The following PCLO variants were observed in gnomAD, a reference collection of about 807,000 sequenced individuals.
PCLO encodes protein piccolo.
PCLO carries 82 observed loss-of-function variants against 427.5 expected under a neutral mutation model. The ratio of observed to expected loss-of-function variants is 0.19; its 90% CI spans 0.16 to 0.23. The LOEUF is 0.23. Among genes scored for constraint, PCLO ranks in the 10% least tolerant of loss-of-function variants. PCLO has a pLI of 1.00. For missense variants in PCLO, 6,239 were observed against 6,115.9 expected (o/e 1.02, Z -0.67); for synonymous variants, 2,357 against 2,155.4 (o/e 1.09, Z -2.59).
In PCLO at chr7:82,820,576, G is replaced by A. The variant is rs1263903151; in HGVS notation, c.14791+1919C>T. The A allele has an allele frequency of 4.9e-6, 6 of 1,227,322 alleles. No individual in the cohort carries two copies. The East Asian group carries it at 1.6e-4, about 33-fold the overall frequency. 76.0% of individuals were successfully genotyped at this position (1,227,322 alleles called of 1,614,324 possible). A position where few individuals can be genotyped will look rare whatever the true frequency, so the allele number is the denominator to read the frequency against. ...ACTTAACAACTATGGAAACACGAGT[G>A]GAAAATGTCTGTTTGTAGGATCAAG... On this transcript the variant is annotated intron_variant, in intron 20 of 24. Transcript: ENST00000333891.
intron 3 of PCLO, among the ~76,000 whole-genome samples, chr7:83,054,718 T>C (rs568689887): frequency 7.9e-5 from 12 of 151,910 alleles, no homozygotes; most frequent in Non-Finnish European, 1.8e-4. Context: ...GGCTGAAAAA[T>C]GAGTACAATT....
At chr7:83,055,461 A>G (rs1262831017) in intron 3 of PCLO, among the ~76,000 whole-genome samples, 3 of 152,134 alleles carry the variant, frequency 2.0e-5, no homozygotes, top group Non-Finnish European at 4.4e-5. Flanking sequence ...GTCAGCATAA[A>G]ATTATTTAGT....
At chr7:83,038,041 A>ATATATT (rs1788860027) in intron 3 of PCLO, among the ~76,000 whole-genome samples, 4 of 45,902 alleles carry the variant, frequency 8.7e-5, no homozygotes, top group Non-Finnish European at 1.4e-4. Context: ...TTATATATTT[A>ATATATT]TATATATATC....
intron 22 of PCLO, among the ~76,000 whole-genome samples, chr7:82,768,893 T>C (rs187567529): frequency 6.6e-6 from 1 of 152,308 alleles, no homozygotes; most frequent in South Asian, 2.1e-4. Context: ...TTTGCATTTA[T>C]AGAGAAACAT....
intron 2 of PCLO, among the ~76,000 whole-genome samples, chr7:83,148,232 T>C (rs1377115026): frequency 6.6e-6 from 1 of 152,180 alleles, no homozygotes; most frequent in Non-Finnish European, 1.5e-5. Context: ...AATTCTAGAT[T>C]GCCAAGTAAC....
intron 4 of PCLO, among the ~76,000 whole-genome samples, chr7:82,962,415 T>G (rs1308898512): frequency 6.6e-6 from 1 of 152,054 alleles, no homozygotes; most frequent in East Asian, 1.9e-4. Context: ...TACATTCCTT[T>G]GTCAGCAAAT....
intron 9 of PCLO, among the ~76,000 whole-genome samples, chr7:82,900,842 G>A (rs1181925030): frequency 6.6e-6 from 1 of 151,670 alleles, no homozygotes. Flanking sequence ...GTAACGTTGG[G>A]CAAAGAGTGG....
chr7:82,835,421 T>G (rs973118798), intron 16 of PCLO, among the ~76,000 whole-genome samples: 2 of 152,130 alleles, frequency 1.3e-5, no homozygotes, highest in East Asian at 3.8e-4. Context: ...GGTAATAATA[T>G]TTTTTTCATT....
chr7:83,061,875 T>C lies in PCLO; in HGVS notation c.3300+72375A>G, dbSNP rs562854514. Among the ~76,000 whole-genome samples the C allele has an allele frequency of 1.8e-4, 28 of 152,294 alleles. No homozygotes were observed. In the South Asian group the frequency reaches 5.4e-3, roughly 29 times the overall value. On this transcript the variant is annotated intron_variant, in intron 3 of 24. Transcript: ENST00000333891. ...GGACTTTGAATACATACGAAATGAC[T>C]TAGCTCAATCCTATTCCTGAGAACC...
At chr7:83,070,960 G>GT (rs1422833350) in intron 3 of PCLO, among the ~76,000 whole-genome samples, 1 of 151,574 alleles carries the variant, frequency 6.6e-6, no homozygotes, top group South Asian at 2.1e-4. Context: ...GTGGACAAAT[G>GT]TAAGTATCAT....
At chr7:82,892,825 G>T (rs1793803884) in intron 9 of PCLO, among the ~76,000 whole-genome samples, 1 of 151,924 alleles carries the variant, frequency 6.6e-6, no homozygotes, top group African/African-American at 2.4e-5. Flanking sequence ...ATGAAAAAAT[G>T]CTCATCATCA....
At chr7:82,856,208 C>T (rs2115878442) in intron 10 of PCLO, among the ~76,000 whole-genome samples, 1 of 152,154 alleles carries the variant, frequency 6.6e-6, no homozygotes, top group Admixed American at 6.6e-5. Flanking sequence ...CAATTTCCTA[C>T]CAACAGATGA....
At chr7:83,160,535 G>A (rs1452102104) in intron 1 of PCLO, among the ~76,000 whole-genome samples, 3 of 148,622 alleles carry the variant, frequency 2.0e-5, no homozygotes, top group Admixed American at 2.0e-4. Flanking sequence ...AAGTTGCAAA[G>A]GTCAGAAAAT....
At chr7:82,778,683 A>T (rs1790806883) in intron 22 of PCLO, among the ~76,000 whole-genome samples, 2 of 151,942 alleles carry the variant, frequency 1.3e-5, no homozygotes, top group Non-Finnish European at 1.5e-5. Flanking sequence ...TTACAATGTG[A>T]AGTACTAGTA....
At chr7:82,902,773 A>G (rs765442746) in intron 8 of PCLO, 32 bp from the exon 9 acceptor site, 1 of 1,125,920 alleles carries the variant, frequency 8.9e-7, no homozygotes, top group Admixed American at 1.8e-5. Context: ...GTAAAAAACC[A>G]GCATTAAAGA....
intron 3 of PCLO, among the ~76,000 whole-genome samples, chr7:83,046,921 C>CAAT (rs1789117491): frequency 6.6e-6 from 1 of 151,874 alleles, no homozygotes; most frequent in South Asian, 2.1e-4. Flanking sequence ...GAAGAAAAAT[C>CAAT]AATATGAGAC....
At chr7:82,826,017 T>C (rs966658899) in intron 18 of PCLO, among the ~76,000 whole-genome samples, 2 of 151,008 alleles carry the variant, frequency 1.3e-5, no homozygotes, top group African/African-American at 4.8e-5. Context: ...TATTTGTTTA[T>C]TTTTAAATTT....
At chr7:83,058,310 C>T (rs62458598) in intron 3 of PCLO, among the ~76,000 whole-genome samples, 1,640 of 152,226 alleles carry the variant, frequency 0.011, 14 homozygotes, top group Middle Eastern at 0.041. Context: ...GCATCCTCTG[C>T]CAATTTTTCT....
At chr7:83,126,449 T>G (rs1791441469) in intron 3 of PCLO, among the ~76,000 whole-genome samples, 1 of 152,152 alleles carries the variant, frequency 6.6e-6, no homozygotes, top group Non-Finnish European at 1.5e-5. Flanking sequence ...CTGATGTGAT[T>G]ATTATATATT....
Sources: gnomAD v4.1 joint callset for allele counts (sites outside exome capture counted in the v4.1 genomes callset) on GRCh38, gnomAD v4.1.1 for gene constraint, MANE v1.5 for transcripts, NCBI Gene and HGNC (gene_info 2026-07-23, HGNC 2026-07-21) for gene names.